ENOX1: variants seen among roughly 807,000 people sequenced by gnomAD.
The protein encoded by ENOX1 is candidate growth-related and time keeping constitutive hydroquinone (NADH) oxidase.
A neutral mutation model predicts 82.5 loss-of-function variants in ENOX1; 42 were observed. That is an observed-to-expected ratio of 0.51 (90% CI 0.40 to 0.66). ENOX1 has a LOEUF of 0.66. ENOX1 is among the 30% of genes least tolerant of loss of function. The pLI is 0.00. For synonymous variants in ENOX1, 271 were observed against 282.2 expected (o/e 0.96, Z 0.40); for missense variants, 608 against 811.6 (o/e 0.75, Z 3.05).
chr13:43,715,949 A>G (rs1449087534), intron 1 of ENOX1, among the ~76,000 whole-genome samples: 5 of 152,026 alleles, frequency 3.3e-5, no homozygotes, highest in African/African-American at 1.2e-4. Context: ...TTTCTAGGTA[A>G]CCATTCGTCT....
intron 2 of ENOX1, among the ~76,000 whole-genome samples, chr13:43,487,228 G>T (rs1044163059): frequency 1.3e-5 from 2 of 152,044 alleles, no homozygotes; most frequent in Non-Finnish European, 2.9e-5. Context: ...ACAGATCATG[G>T]GTGGTATCAG....
At chr13:43,238,236 TACAAATCAAAA>T (rs1376264410) in intron 14 of ENOX1, among the ~76,000 whole-genome samples, 1 of 152,144 alleles carries the variant, frequency 6.6e-6, no homozygotes, top group East Asian at 1.9e-4. Context: ...AAGATGCTCT[TACAAATCAAAA>T]ACAGGATCTT....
intron 15 of ENOX1, among the ~76,000 whole-genome samples, chr13:43,230,663 G>T (rs1176831401): frequency 6.6e-6 from 1 of 152,102 alleles, no homozygotes; most frequent in Admixed American, 6.5e-5. Flanking sequence ...ATTTGCCTTA[G>T]ATTACCCGGT....
chr13:43,326,539 G>C lies in ENOX1; in HGVS notation c.1037-14C>G, dbSNP rs1441582565. On this transcript the variant is annotated splice_polypyrimidine_tract_variant and intron_variant, in intron 9 of 16. Transcript: ENST00000690772. ...CAATCTGCTCAACTTTGGTGAACAA[G>C]GAAGTCAAACAAGACAAGTAATTTA... 2 of 1,607,798 alleles carry C rather than the reference G, an allele frequency of 1.2e-6. No individual in the cohort carries two copies. The highest frequency in any genetic ancestry group is 8.5e-7 in the Non-Finnish European group (1 of 1,174,250).
At chr13:43,704,573 A>G (rs1280629121) in intron 1 of ENOX1, among the ~76,000 whole-genome samples, 1 of 152,206 alleles carries the variant, frequency 6.6e-6, no homozygotes, top group Non-Finnish European at 1.5e-5. Flanking sequence ...ATGAAGAGTC[A>G]GAGGACAGAG....
At chr13:43,561,768 C>T (rs774215719) in intron 2 of ENOX1, among the ~76,000 whole-genome samples, 11 of 151,838 alleles carry the variant, frequency 7.2e-5, no homozygotes, top group Admixed American at 1.3e-4. Flanking sequence ...GGCGTGTGAG[C>T]CCAGGAGTTC....
At position 43,356,097 on chromosome 13, in the gene ENOX1, ATGAAGGCGGCC is replaced by A; in HGVS notation, c.634_644del (p.Gly212CysfsTer9). The A allele has an allele frequency of 1.9e-6, 3 of 1,614,156 alleles. No individual in the cohort carries two copies. Among genetic ancestry groups the A allele is most frequent in the Non-Finnish European group, 2.5e-6 (3 of 1,180,020 alleles). ...CATCCCTGGCCTGGGCAAAGTCCAC[ATGAAGGCGGCC>A]TGAATCCTTTTTGTCGGTGCTAGAC... On this transcript the variant is annotated frameshift_variant, in exon 8 of 17. Coordinates refer to ENST00000690772, the MANE Select transcript of ENOX1 (RefSeq NM_001347969.2). LOFTEE classifies it high-confidence loss of function.
At position 43,591,233 on chromosome 13, in the gene ENOX1, G is replaced by A. The variant is rs79654851; in HGVS notation, c.-219+76246C>T. Among the ~76,000 whole-genome samples, 479 of 152,186 alleles carry A rather than the reference G, an allele frequency of 3.1e-3. 2 individuals are homozygous for A. The highest frequency in any genetic ancestry group is 6.8e-3 in the Middle Eastern group (2 of 294). ...AAATAAAAATAAAAAACCCAACTAT[G>A]AACAATTCAAATGAATCAAGAGATC... is the stretch of plus-strand genomic sequence containing the variant. On this transcript the variant is annotated intron_variant, in intron 2 of 16. Transcript: ENST00000690772.
At chr13:43,670,333 TG>T (rs763095119) in intron 1 of ENOX1, among the ~76,000 whole-genome samples, 6 of 152,194 alleles carry the variant, frequency 3.9e-5, no homozygotes, top group Non-Finnish European at 8.8e-5. Context: ...AAAAGCAATT[TG>T]GCTTCCTTTA....
At chr13:43,691,125 C>G (rs1381031787) in intron 1 of ENOX1, among the ~76,000 whole-genome samples, 1 of 152,182 alleles carries the variant, frequency 6.6e-6, no homozygotes, top group Non-Finnish European at 1.5e-5. Context: ...ATCTCCTTCT[C>G]TTCACAAGAC....
intron 5 of ENOX1, among the ~76,000 whole-genome samples, chr13:43,398,713 C>T (rs1050359894): frequency 7.9e-5 from 12 of 151,892 alleles, no homozygotes; most frequent in Non-Finnish European, 1.2e-4. Context: ...CCAGCCTACC[C>T]AACGTGAAGA....
At chr13:43,606,567 C>A (rs2081982471) in intron 2 of ENOX1, among the ~76,000 whole-genome samples, 2 of 152,102 alleles carry the variant, frequency 1.3e-5, no homozygotes, top group Non-Finnish European at 2.9e-5. Flanking sequence ...TTCTCATGTT[C>A]TTACTTATTT....
intron 2 of ENOX1, among the ~76,000 whole-genome samples, chr13:43,513,808 C>A (rs9567205): frequency 0.35 from 53,495 of 151,948 alleles, 11,220 homozygotes; most frequent in East Asian, 0.81. Context: ...CTTTACCTTT[C>A]AGGAAAAGTT....
intron 2 of ENOX1, chr13:43,545,367 G>C (rs750502209): frequency 5.9e-5 from 9 of 152,234 alleles, no homozygotes; most frequent in Non-Finnish European, 1.0e-4. Context: ...CCCTAGGGTG[G>C]CATTTGCTGT....
At chr13:43,607,300 T>C (rs564875754) in intron 2 of ENOX1, among the ~76,000 whole-genome samples, 20 of 152,284 alleles carry the variant, frequency 1.3e-4, no homozygotes, top group African/African-American at 4.1e-4. Context: ...AAAGTGTGCA[T>C]ACAGAGTTTG....
intron 2 of ENOX1, among the ~76,000 whole-genome samples, chr13:43,634,097 AAC>A (rs1437215275): frequency 6.6e-6 from 1 of 152,160 alleles, no homozygotes; most frequent in Admixed American, 6.5e-5. Flanking sequence ...TGAACCGGCC[AAC>A]AGATAATATG....
At chr13:43,340,374 A>G (rs1458732957) in intron 9 of ENOX1, among the ~76,000 whole-genome samples, 3 of 152,218 alleles carry the variant, frequency 2.0e-5, no homozygotes, top group African/African-American at 7.2e-5. Context: ...GGCTCCTCAG[A>G]GTCTCCATTG....
intron 2 of ENOX1, among the ~76,000 whole-genome samples, chr13:43,577,272 C>T (rs1368379509): frequency 6.6e-6 from 1 of 152,126 alleles, no homozygotes; most frequent in African/African-American, 2.4e-5. Context: ...GCTGGGATCA[C>T]AGGCATGCTC....
intron 12 of ENOX1, among the ~76,000 whole-genome samples, chr13:43,284,161 G>C (rs1490534023): frequency 6.6e-6 from 1 of 152,030 alleles, no homozygotes; most frequent in Non-Finnish European, 1.5e-5. Flanking sequence ...TGAGCTTATA[G>C]TAGTATATAT....
Sources: allele counts gnomAD v4.1 joint callset (sites outside exome capture counted in the v4.1 genomes callset), GRCh38; gene constraint gnomAD v4.1.1; transcripts MANE v1.5; gene names NCBI Gene and HGNC (gene_info 2026-07-23, HGNC 2026-07-21).